The following MCC variants were observed in gnomAD, a reference collection of about 807,000 sequenced individuals.
MCC encodes colorectal mutant cancer protein.
In MCC, 90 loss-of-function variants were observed where a neutral mutation model predicts 116.2. That is an observed-to-expected ratio of 0.77 (90% CI 0.65 to 0.92). The LOEUF (loss-of-function observed/expected upper bound fraction) is 0.92. Ranked by LOEUF, MCC falls within the 40% of genes least tolerant of loss-of-function variation. The pLI, the probability that MCC is intolerant of heterozygous loss-of-function variation, is 0.00. For synonymous variants in MCC, 578 were observed against 510.5 expected, an observed-to-expected ratio of 1.13 and a Z score of -1.78; for missense variants, 1,516 against 1,312.2, an observed-to-expected ratio of 1.16 and a Z score of -2.40.
intron 8 of MCC, among the ~76,000 whole-genome samples, chr5:113,096,004 G>A (rs1460117264): frequency 1.3e-5 from 2 of 152,156 alleles, no homozygotes; most frequent in Non-Finnish European, 2.9e-5. Flanking sequence ...TGCCTTGGGA[G>A]CCCCGGGGTG....
rs1433022466 is a variant in MCC at position 113,085,081 on chromosome 5, C to A, written c.1545+83G>T. On this transcript the variant is annotated intron_variant, in intron 9 of 18. Coordinates refer to ENST00000408903, the MANE Select transcript of MCC (RefSeq NM_001085377.2). The stretch of plus-strand genomic sequence containing the variant: ...TTGTGCTGTCTCAGCTAAGGGCATG[C>A]CTGTACAGTGGCTAGGATGAGCCTG... 4 of 1,589,598 alleles carry A rather than the reference C, an allele frequency of 2.5e-6. No individual in the cohort carries two copies. The East Asian group carries it at 6.7e-5, about 27-fold the overall frequency.
chr5:113,050,510 C>G (rs1300911799), intron 15 of MCC, among the ~76,000 whole-genome samples: 1 of 152,194 alleles, frequency 6.6e-6, no homozygotes, highest in Non-Finnish European at 1.5e-5. Context: ...GGACACCCCT[C>G]GAAAGGGACA....
chr5:113,231,432 G>C (rs1763937757), intron 3 of MCC, among the ~76,000 whole-genome samples: 1 of 152,098 alleles, frequency 6.6e-6, no homozygotes, highest in African/African-American at 2.4e-5. Flanking sequence ...TTGTAAATTA[G>C]ATATTCTTAC....
chr5:113,068,023 C>A, intron 13 of MCC, 57 bp downstream of exon 13: 1 of 1,447,728 alleles, frequency 6.9e-7, no homozygotes. Context: ...GAGACAGGGG[C>A]AGAAGCAAAG....
intron 4 of MCC, 149 bp from the exon 5 acceptor site, chr5:113,143,509 C>G (rs1029820036): frequency 6.0e-5 from 48 of 799,688 alleles, no homozygotes; most frequent in Admixed American, 9.0e-5. Flanking sequence ...CTGGCAATCC[C>G]AGGAAACATA....
At chr5:113,088,175 C>T (rs969176866) in intron 8 of MCC, among the ~76,000 whole-genome samples, 1 of 151,964 alleles carries the variant, frequency 6.6e-6, no homozygotes, top group Admixed American at 6.6e-5. Flanking sequence ...GGAAACAAAC[C>T]CAGCTGAAGG....
At chr5:113,426,786 G>T (rs548826389) in intron 1 of MCC, among the ~76,000 whole-genome samples, 1 of 152,258 alleles carries the variant, frequency 6.6e-6, no homozygotes, top group African/African-American at 2.4e-5. Flanking sequence ...TTCCTAATGT[G>T]ATGGGGATGG....
rs114406807 is a variant in MCC at position 113,398,621 on chromosome 5, T to C, written c.171-13409A>G. ...CATGTTCTCACTTATAAGTAGGAGC[T>C]AAACAATGGGTACACATGCACATAA... On this transcript the variant is annotated intron_variant, in intron 1 of 18. Transcript: ENST00000408903. Among the ~76,000 whole-genome samples, 1,055 of 152,248 alleles carry C rather than the reference T, an allele frequency of 6.9e-3. 12 individuals carry two copies. Among genetic ancestry groups the C allele is most frequent in the African/African-American group, 0.024 (1,010 of 41,558 alleles).
chr5:113,435,082 T>C (rs913606364), intron 1 of MCC: 1 of 493,510 alleles, frequency 2.0e-6, no homozygotes, highest in Non-Finnish European at 3.7e-6. Flanking sequence ...CTGAGGCACT[T>C]GGACTTGGAA....
chr5:113,391,370 C>T (rs555994108), intron 1 of MCC, among the ~76,000 whole-genome samples: 2 of 152,240 alleles, frequency 1.3e-5, no homozygotes, highest in South Asian at 4.1e-4. Flanking sequence ...GGGCTGAAAA[C>T]AGTGGCTGTA....
intron 3 of MCC, among the ~76,000 whole-genome samples, chr5:113,278,313 G>T (rs1765903388): frequency 6.6e-6 from 1 of 152,062 alleles, no homozygotes; most frequent in Non-Finnish European, 1.5e-5. Flanking sequence ...TTAAATGAAG[G>T]CCATTCACTA....
At position 113,358,018 on chromosome 5, in the gene MCC, C is replaced by G. The variant is rs527901869; in HGVS notation, c.416-17288G>C. On this transcript the variant is annotated intron_variant, in intron 2 of 18. Coordinates refer to ENST00000408903, the MANE Select transcript of MCC (RefSeq NM_001085377.2). ...ACTTTCATTCCTGCTCTAAAACTTG[C>G]CTCCATTTCTCACTCTGCCTTATGC... is the stretch of plus-strand genomic sequence containing the variant. 1.4e-3 allele frequency among the ~76,000 whole-genome samples: 217 copies of G among 152,278 alleles called. 1 individual carries two copies. Among genetic ancestry groups the G allele is most frequent in the African/African-American group, 5.0e-3 (207 of 41,568 alleles).
intron 16 of MCC, chr5:113,048,653 GA>G: frequency 4.2e-6 from 1 of 239,534 alleles, no homozygotes. Flanking sequence ...ATGTATAGGG[GA>G]AAACGTAGAA....
chr5:113,197,617 G>A (rs1166278842), intron 3 of MCC, among the ~76,000 whole-genome samples: 1 of 152,154 alleles, frequency 6.6e-6, no homozygotes, highest in Non-Finnish European at 1.5e-5. Context: ...GTCGTGGGAG[G>A]CCAAAACAAC....
chr5:113,057,422 A>T (rs1013843287), intron 14 of MCC, among the ~76,000 whole-genome samples: 1 of 152,078 alleles, frequency 6.6e-6, no homozygotes, highest in African/African-American at 2.4e-5. Flanking sequence ...AGCTTGGAGC[A>T]AGGTGGGAGC....
intron 1 of MCC, among the ~76,000 whole-genome samples, chr5:113,449,896 C>T (rs1280513264): frequency 6.6e-6 from 1 of 152,078 alleles, no homozygotes; most frequent in Non-Finnish European, 1.5e-5. Context: ...AATTTATAGT[C>T]CTATGTAGGT....
At chr5:113,359,981 G>A (rs1419757000) in intron 2 of MCC, among the ~76,000 whole-genome samples, 2 of 152,156 alleles carry the variant, frequency 1.3e-5, no homozygotes, top group East Asian at 3.9e-4. Context: ...TGGAAGCCAT[G>A]TATTCAGTAA....
intron 1 of MCC, among the ~76,000 whole-genome samples, chr5:113,416,795 A>T (rs1354266134): frequency 6.6e-6 from 1 of 152,140 alleles, no homozygotes; most frequent in Non-Finnish European, 1.5e-5. Flanking sequence ...TAATAAACAG[A>T]TAAAATTGAT....
chr5:113,362,822 C>T (rs551125985), intron 2 of MCC, among the ~76,000 whole-genome samples: 9 of 152,004 alleles, frequency 5.9e-5, no homozygotes, highest in Non-Finnish European at 1.3e-4. Flanking sequence ...TTTGAAATTT[C>T]CTGAAACATA....
Sources: allele counts gnomAD v4.1 joint callset (sites outside exome capture counted in the v4.1 genomes callset), GRCh38; gene constraint gnomAD v4.1.1; transcripts MANE v1.5; gene names NCBI Gene and HGNC (gene_info 2026-07-23, HGNC 2026-07-21).